The following ANK2 variants were observed in gnomAD, a reference collection of about 807,000 sequenced individuals.
ANK2 encodes ankyrin-2.
Under a neutral mutation model 360.5 loss-of-function variants are expected in ANK2, and 83 were observed. The ratio of observed to expected loss-of-function variants is 0.23; its 90% CI spans 0.19 to 0.28. The LOEUF is 0.28. Ranked by LOEUF, ANK2 falls within the 10% of genes least tolerant of loss-of-function variation. The probability of loss-of-function intolerance (pLI) is 1.00; values close to 1 mark genes in which losing one functional copy is unlikely to be tolerated. For missense variants in ANK2, 4,201 were observed against 4,795.7 expected (o/e 0.88, Z 3.66); for synonymous variants, 1,740 against 1,759.5 (o/e 0.99, Z 0.28).
chr4:112,827,224 G>T, intron 1 of ANK2: 1 of 1,073,024 alleles, frequency 9.3e-7, no homozygotes, highest in Non-Finnish European at 1.5e-6. Flanking sequence ...GGATCAATTG[G>T]AGAAGCAGAG....
intron 1 of ANK2, among the ~76,000 whole-genome samples, chr4:113,121,519 A>G (rs1322547377): frequency 1.3e-5 from 2 of 152,162 alleles, no homozygotes; most frequent in South Asian, 2.1e-4. Context: ...TCAAAATTGC[A>G]CCAAAATATT....
At chr4:113,207,818 G>C (rs964053412) in intron 4 of ANK2, among the ~76,000 whole-genome samples, 3 of 151,980 alleles carry the variant, frequency 2.0e-5, no homozygotes, top group Non-Finnish European at 4.4e-5. Flanking sequence ...GTGTGCCCTC[G>C]AACACTTGCT....
intron 45 of ANK2, among the ~76,000 whole-genome samples, chr4:113,380,454 A>C (rs769424249): frequency 6.6e-6 from 1 of 152,206 alleles, no homozygotes; most frequent in Non-Finnish European, 1.5e-5. Context: ...TGAGCTCAGG[A>C]GTTCGAGACC....
intron 45 of ANK2, among the ~76,000 whole-genome samples, chr4:113,379,027 C>T (rs1589448998): frequency 6.6e-6 from 1 of 152,106 alleles, no homozygotes; most frequent in South Asian, 2.1e-4. Flanking sequence ...TATTTTAAGC[C>T]TTTAGAACAT....
At chr4:113,243,911 A>G (rs550745874) in intron 9 of ANK2, among the ~76,000 whole-genome samples, 1 of 152,180 alleles carries the variant, frequency 6.6e-6, no homozygotes, top group African/African-American at 2.4e-5. Context: ...CATTGCTTTT[A>G]TTAATGCTTT....
At chr4:113,299,454 C>T (rs1399185564) in intron 22 of ANK2, among the ~76,000 whole-genome samples, 2 of 152,040 alleles carry the variant, frequency 1.3e-5, no homozygotes, top group East Asian at 1.9e-4. Flanking sequence ...TCTGTAATAC[C>T]AGCACTTTGG....
intron 1 of ANK2, among the ~76,000 whole-genome samples, chr4:112,851,763 A>G (rs1217131763): frequency 6.6e-6 from 1 of 151,770 alleles, no homozygotes; most frequent in Non-Finnish European, 1.5e-5. Flanking sequence ...AGCTGGCACT[A>G]CAGGTGCATG....
intron 1 of ANK2, among the ~76,000 whole-genome samples, chr4:112,902,011 A>G (rs2083581895): frequency 6.6e-6 from 1 of 152,240 alleles, no homozygotes; most frequent in Non-Finnish European, 1.5e-5. Flanking sequence ...AACTGAGCTA[A>G]GCACAAGACA....
chr4:112,875,040 T>G (rs1262157514), intron 1 of ANK2, among the ~76,000 whole-genome samples: 3 of 140,516 alleles, frequency 2.1e-5, no homozygotes, highest in Non-Finnish European at 4.7e-5. Flanking sequence ...CCCTAATTAC[T>G]TTTTTTTTTT....
chr4:113,244,901 T>C (rs914194515), intron 9 of ANK2, among the ~76,000 whole-genome samples: 3 of 152,180 alleles, frequency 2.0e-5, no homozygotes, highest in Non-Finnish European at 4.4e-5. Context: ...TTGCTGAGAA[T>C]GATGGTTTCC....
chr4:112,709,592 T>TA, the ANK2 span, among the ~76,000 whole-genome samples: 1 of 151,820 alleles, frequency 6.6e-6, no homozygotes, highest in Non-Finnish European at 1.5e-5. Context: ...CTACTAAAAA[T>TA]ACAAAAATTA....
intron 1 of ANK2, among the ~76,000 whole-genome samples, chr4:112,865,250 C>T (rs547878190): frequency 6.6e-6 from 1 of 151,998 alleles, no homozygotes; most frequent in South Asian, 2.1e-4. Context: ...AACTTAATGT[C>T]GGCAGTTTTA....
At chr4:112,980,714 C>T (rs1332168097) in intron 2 of ANK2, among the ~76,000 whole-genome samples, 3 of 152,110 alleles carry the variant, frequency 2.0e-5, no homozygotes, top group African/African-American at 7.2e-5. Context: ...TTGAGGTGCT[C>T]AGGGCAGAAT....
At chr4:112,990,671 G>T (rs1180998690) in intron 2 of ANK2, among the ~76,000 whole-genome samples, 8 of 152,094 alleles carry the variant, frequency 5.3e-5, no homozygotes, top group Non-Finnish European at 2.9e-5. Context: ...TAGACAAAGG[G>T]CATGACTCAC....
the ANK2 span, among the ~76,000 whole-genome samples, chr4:112,741,085 C>A: frequency 6.6e-6 from 1 of 152,058 alleles, no homozygotes; most frequent in Non-Finnish European, 1.5e-5. Flanking sequence ...CTGCTTTAGC[C>A]TCCCAAAGTG....
At chr4:113,128,501 T>A (rs976572535) in intron 1 of ANK2, among the ~76,000 whole-genome samples, 2 of 152,242 alleles carry the variant, frequency 1.3e-5, no homozygotes, top group Admixed American at 6.5e-5. Context: ...TTATTTATTT[T>A]TTTTATGAGA....
chr4:112,760,755 A>G, the ANK2 span, among the ~76,000 whole-genome samples: 51 of 149,008 alleles, frequency 3.4e-4, no homozygotes, highest in Admixed American at 2.8e-3. Flanking sequence ...TTATTTTTCG[A>G]TATATTAAAT....
chr4:113,052,886 T>C (rs1580152843), intron 1 of ANK2, among the ~76,000 whole-genome samples: 1 of 152,162 alleles, frequency 6.6e-6, no homozygotes. Context: ...GGGGATGGGG[T>C]ACTCCCAGAA....
chr4:112,906,778 G>A (rs998095127), intron 2 of ANK2, among the ~76,000 whole-genome samples: 2 of 152,120 alleles, frequency 1.3e-5, no homozygotes, highest in African/African-American at 4.8e-5. Flanking sequence ...TTGAAGTATC[G>A]TTTGTGGAGA....
Sources: allele counts gnomAD v4.1 joint callset (sites outside exome capture counted in the v4.1 genomes callset), GRCh38; gene constraint gnomAD v4.1.1; transcripts MANE v1.5; gene names NCBI Gene and HGNC (gene_info 2026-07-23, HGNC 2026-07-21).